Variants in CSNK1G1 observed in about 807,000 individuals in gnomAD.
CSNK1G1 encodes casein kinase 1 gamma 1, also known as casein kinase I isoform gamma-1.
Under a neutral mutation model 59.6 loss-of-function variants are expected in CSNK1G1, and 22 were observed. That is an observed-to-expected ratio of 0.37 (90% CI 0.26 to 0.53). The LOEUF is 0.53. Among genes scored for constraint, CSNK1G1 ranks in the 20% least tolerant of loss-of-function variants. The probability of loss-of-function intolerance (pLI) is 0.89; values close to 1 mark genes in which losing one functional copy is unlikely to be tolerated. For missense variants in CSNK1G1, 384 were observed against 519.5 expected, an observed-to-expected ratio of 0.74 and a Z score of 2.54; for synonymous variants, 179 against 177.1, an observed-to-expected ratio of 1.01 and a Z score of -0.08.
At chr15:64,267,651 C>T (rs927573956) in intron 2 of CSNK1G1, among the ~76,000 whole-genome samples, 2 of 152,098 alleles carry the variant, frequency 1.3e-5, no homozygotes, top group Non-Finnish European at 2.9e-5. Flanking sequence ...ATCAAAAAAA[C>T]AAATGCTGGC....
chr15:64,292,657 G>C (rs913280152), intron 2 of CSNK1G1, among the ~76,000 whole-genome samples: 6 of 152,162 alleles, frequency 3.9e-5, no homozygotes, highest in Admixed American at 6.6e-5. Context: ...AGGTGCAGTG[G>C]CCCATGCCTG....
At chr15:64,191,356 A>T (rs2081968358) in intron 10 of CSNK1G1, among the ~76,000 whole-genome samples, 1 of 152,130 alleles carries the variant, frequency 6.6e-6, no homozygotes, top group Admixed American at 6.6e-5. Context: ...CACGGCACCC[A>T]GCCTGCATTT....
chr15:64,285,875 G>A (rs1247443217), intron 2 of CSNK1G1, among the ~76,000 whole-genome samples: 9 of 151,174 alleles, frequency 6.0e-5, no homozygotes, highest in South Asian at 4.2e-4. Context: ...AAAAAAAAAC[G>A]ATGACTTGTA....
intron 4 of CSNK1G1, among the ~76,000 whole-genome samples, chr15:64,241,271 T>G (rs989022794): frequency 6.6e-6 from 1 of 152,128 alleles, no homozygotes; most frequent in African/African-American, 2.4e-5. Context: ...AAGAAGGTAA[T>G]TATACAATGT....
At chr15:64,186,759 T>C (rs1292580708) in intron 10 of CSNK1G1, among the ~76,000 whole-genome samples, 2 of 152,212 alleles carry the variant, frequency 1.3e-5, no homozygotes, top group Non-Finnish European at 2.9e-5. Context: ...TCCTCCTGCC[T>C]AGGCTTCTCA....
In CSNK1G1 at chr15:64,189,808, CAATTT is replaced by C. The variant is rs567667036; in HGVS notation, c.1108-9359_1108-9355del. On this transcript the variant is annotated intron_variant, in intron 10 of 11. Transcript: ENST00000303052. Reference sequence around the variant, plus strand: ...AAATCAGAGCTTTGTACACCAGCTACAATTTACTTTTTTTTTTTTTTTTTTTTTGA... The same window carrying C: ...AAATCAGAGCTTTGTACACCAGCTACACTTTTTTTTTTTTTTTTTTTTTGA... 6.8e-3 allele frequency among the ~76,000 whole-genome samples: 990 copies of C among 146,570 alleles called. 12 individuals are homozygous for C. Among genetic ancestry groups the C allele is most frequent in the African/African-American group, 0.024 (953 of 39,726 alleles).
At chr15:64,322,168 A>G (rs1303918279) in intron 1 of CSNK1G1, among the ~76,000 whole-genome samples, 1 of 152,056 alleles carries the variant, frequency 6.6e-6, no homozygotes, top group Non-Finnish European at 1.5e-5. Context: ...TGGAGCATAA[A>G]GTCTTATTGT....
chr15:64,300,961 A>T (rs142571809), intron 1 of CSNK1G1, among the ~76,000 whole-genome samples: 66 of 152,364 alleles, frequency 4.3e-4, no homozygotes, highest in African/African-American at 1.6e-3. Context: ...CCTTTAATAT[A>T]GAATGCTTTC....
chr15:64,166,258 A>G lies in CSNK1G1; in HGVS notation c.*5673T>C. On this transcript the variant is annotated 3_prime_UTR_variant, in exon 12 of 12. Coordinates refer to ENST00000303052, the MANE Select transcript of CSNK1G1 (RefSeq NM_022048.5). This position sits in a 1 kb window ranked among gnomAD's most constrained non-coding sequence, Gnocchi z 4.5. ...AGATCAAAGACAGATAAATAATAAT[A>G]TAATAAATTAGAGCATGTAATACAT... 2 of 388,680 alleles carry G rather than the reference A, an allele frequency of 5.1e-6. No individual in the cohort carries two copies. Among genetic ancestry groups the G allele is most frequent in the Non-Finnish European group, 9.1e-6 (2 of 220,218 alleles). 24.1% of individuals were successfully genotyped at this position (388,680 alleles called of 1,614,324 possible).
At chr15:64,219,414 A>T (rs766563002) in intron 4 of CSNK1G1, among the ~76,000 whole-genome samples, 1 of 152,234 alleles carries the variant, frequency 6.6e-6, no homozygotes, top group Non-Finnish European at 1.5e-5. Context: ...TCTTCAAAGC[A>T]GGTTGTGGCA....
At chr15:64,280,157 C>T (rs1013829529) in intron 2 of CSNK1G1, among the ~76,000 whole-genome samples, 12 of 152,094 alleles carry the variant, frequency 7.9e-5, no homozygotes, top group South Asian at 2.1e-4. Context: ...CACGTATATA[C>T]GCGCGCACAC....
chr15:64,175,683 A>G (rs533541807), intron 11 of CSNK1G1, among the ~76,000 whole-genome samples: 74 of 152,272 alleles, frequency 4.9e-4, no homozygotes, highest in African/African-American at 1.8e-3. Flanking sequence ...ACAATAAACA[A>G]AAACAAAACA....
chr15:64,319,356 A>G (rs1359117710), intron 1 of CSNK1G1, among the ~76,000 whole-genome samples: 1 of 152,100 alleles, frequency 6.6e-6, no homozygotes, highest in Admixed American at 6.6e-5. Flanking sequence ...TATTACTATT[A>G]TTAAAACGCA....
At position 64,237,233 on chromosome 15, in the gene CSNK1G1, T is replaced by C. The variant is rs562795148; in HGVS notation, c.292+14279A>G. On this transcript the variant is annotated intron_variant, in intron 4 of 11. Coordinates refer to ENST00000303052, the MANE Select transcript of CSNK1G1 (RefSeq NM_022048.5). Reference sequence around the variant, plus strand: ...ACCCTGACTTGACCACTATGCAATCTATGTATATAACAAAATTGCACAGGT... The same window carrying C: ...ACCCTGACTTGACCACTATGCAATCCATGTATATAACAAAATTGCACAGGT... 4.6e-5 allele frequency among the ~76,000 whole-genome samples: 7 copies of C among 152,268 alleles called. No homozygotes were observed. The South Asian group carries it at 1.5e-3, about 32-fold the overall frequency.
At chr15:64,266,369 C>A (rs933043138) in intron 2 of CSNK1G1, among the ~76,000 whole-genome samples, 1 of 152,008 alleles carries the variant, frequency 6.6e-6, no homozygotes, top group East Asian at 1.9e-4. Context: ...AGCCACCACA[C>A]CCAGCCCCTG....
Position 64,204,866 on chromosome 15 carries a change from T to C in CSNK1G1, c.849A>G (p.Pro283=). The C allele has an allele frequency of 1.2e-6, 2 of 1,602,100 alleles. No individual in the cohort carries two copies. Among genetic ancestry groups the C allele is most frequent in the Non-Finnish European group, 1.7e-6 (2 of 1,169,268 alleles). The change falls in exon 8 of 12, where the codon CCA becomes CCG. Residue 283 remains proline, a splice_region_variant and synonymous_variant. Coordinates refer to ENST00000303052, the MANE Select transcript of CSNK1G1 (RefSeq NM_022048.5). The part of the protein sequence containing the change: ...TPIEALCENF[P]EEMATYLRYV... ...TGGAATGTCTTTTTAGCATCCCACC[T>C]GGAAAGTTCTCACAGAGAGCTTCAA...
intron 10 of CSNK1G1, among the ~76,000 whole-genome samples, chr15:64,199,346 C>T (rs1038130307): frequency 4.7e-5 from 7 of 149,246 alleles, no homozygotes; most frequent in African/African-American, 1.7e-4. Context: ...CAAAAATAAG[C>T]ATAGTAGTTA....
In CSNK1G1 at chr15:64,176,339, A is replaced by G. The variant is rs1299510404; in HGVS notation, c.1214+4009T>C. ...GAAAGGAAGAGAGAGAAAGAGAGAG[A>G]TATTAGTCCACAGAGGTGAAATGGA... On this transcript the variant is annotated intron_variant, in intron 11 of 11. Transcript: ENST00000303052. The surrounding 1 kb of genome is among the most constrained non-coding windows in gnomAD (Gnocchi z 5.2). 5.0e-6 allele frequency: 2 copies of G among 397,824 alleles called. No individual in the cohort carries two copies. Among genetic ancestry groups the G allele is most frequent in the Non-Finnish European group, 8.9e-6 (2 of 225,758 alleles). 24.6% of individuals were successfully genotyped at this position (397,824 alleles called of 1,614,324 possible).
Position 64,269,557 on chromosome 15 carries a change from G to A in CSNK1G1, c.182-10316C>T, listed in dbSNP as rs889250780. 8.9e-4 allele frequency among the ~76,000 whole-genome samples: 132 copies of A among 149,060 alleles called. 1 individual carries two copies. The highest frequency in any genetic ancestry group is 2.0e-4 in the East Asian group (1 of 5,084). Reference sequence around the variant, plus strand: ...GGCCCAGGCTGGAGTGCAGTGGTGCGATCTCAGCTCACTGCAACCTCTGCC... The same window carrying A: ...GGCCCAGGCTGGAGTGCAGTGGTGCAATCTCAGCTCACTGCAACCTCTGCC... On this transcript the variant is annotated intron_variant, in intron 2 of 11. Transcript: ENST00000303052.
Sources: allele counts gnomAD v4.1 joint callset (sites outside exome capture counted in the v4.1 genomes callset), GRCh38; gene constraint gnomAD v4.1.1; non-coding constraint Gnocchi (gnomAD v3.1); transcripts MANE v1.5; gene names NCBI Gene and HGNC (gene_info 2026-07-23, HGNC 2026-07-21).